PTPRM: variants seen among roughly 807,000 people sequenced by gnomAD.
PTPRM encodes protein tyrosine phosphatase receptor type M.
A neutral mutation model predicts 186.7 loss-of-function variants in PTPRM; 47 were observed. The observed-to-expected ratio is 0.25, with a 90% CI of 0.20 to 0.32. The LOEUF is 0.32. PTPRM is among the 10% of genes least tolerant of loss of function. PTPRM has a pLI of 1.00. For synonymous variants in PTPRM, 668 were observed against 674.9 expected (o/e 0.99, Z 0.16); for missense variants, 1,494 against 1,865.0 (o/e 0.80, Z 3.66).
At chr18:8,098,323 A>G (rs2091111773) in intron 11 of PTPRM, among the ~76,000 whole-genome samples, 1 of 152,236 alleles carries the variant, frequency 6.6e-6, no homozygotes, top group African/African-American at 2.4e-5. Context: ...AATGATTTTA[A>G]TAATTTAGTT....
At chr18:7,581,918 C>T (rs1175396376) in intron 1 of PTPRM, among the ~76,000 whole-genome samples, 2 of 152,096 alleles carry the variant, frequency 1.3e-5, no homozygotes, top group Non-Finnish European at 2.9e-5. Flanking sequence ...CCTCAGCCTC[C>T]CAAAGTGTTG....
At chr18:8,075,961 C>T (rs1164407351) in intron 8 of PTPRM, among the ~76,000 whole-genome samples, 1 of 152,024 alleles carries the variant, frequency 6.6e-6, no homozygotes, top group East Asian at 1.9e-4. Context: ...ATTATTATTA[C>T]AAAAATCACT....
chr18:8,296,323 G>C, intron 19 of PTPRM, 45 bp from the exon 20 acceptor site: 1 of 1,297,608 alleles, frequency 7.7e-7, no homozygotes, highest in East Asian at 2.3e-5. Context: ...AGATCCCTCT[G>C]TTTACTGCGC....
intron 1 of PTPRM, among the ~76,000 whole-genome samples, chr18:7,610,088 T>C (rs934862868): frequency 2.0e-5 from 3 of 152,158 alleles, no homozygotes. Context: ...ACAACACCTA[T>C]TGGGCATTTT....
intron 13 of PTPRM, among the ~76,000 whole-genome samples, chr18:8,137,256 G>A (rs545373995): frequency 9.2e-5 from 14 of 152,034 alleles, no homozygotes; most frequent in African/African-American, 3.1e-4. Flanking sequence ...TGTGGTATTT[G>A]GTTTGCCACC....
chr18:7,772,369 T>TTCTTTCTTTC (rs2042337977), intron 1 of PTPRM, among the ~76,000 whole-genome samples: 2 of 100,282 alleles, frequency 2.0e-5, no homozygotes, highest in African/African-American at 7.0e-5. Flanking sequence ...CTTTCTTTCT[T>TTCTTTCTTTC]TCTTTCTTTC....
intron 1 of PTPRM, among the ~76,000 whole-genome samples, chr18:7,720,256 A>G (rs574961750): frequency 1.3e-5 from 2 of 152,302 alleles, no homozygotes; most frequent in African/African-American, 2.4e-5. Context: ...ACGTACAAAA[A>G]TAGGAAGACC....
chr18:7,833,083 G>C (rs535880905), intron 2 of PTPRM, among the ~76,000 whole-genome samples: 30 of 152,084 alleles, frequency 2.0e-4, no homozygotes, highest in Middle Eastern at 6.8e-3. Flanking sequence ...TTTTGCTTAG[G>C]ATAGCTTTGA....
chr18:7,975,238 T>G (rs536313098), intron 7 of PTPRM, among the ~76,000 whole-genome samples: 1 of 152,348 alleles, frequency 6.6e-6, no homozygotes, highest in African/African-American at 2.4e-5. Context: ...CTACTCTTAC[T>G]GTACAATCCA....
intron 2 of PTPRM, among the ~76,000 whole-genome samples, chr18:7,784,299 A>T (rs1195104411): frequency 6.6e-6 from 1 of 152,084 alleles, no homozygotes; most frequent in Non-Finnish European, 1.5e-5. Flanking sequence ...TTCTTGTCAT[A>T]CCTAACTAAA....
At chr18:8,198,402 G>T (rs1409568081) in intron 14 of PTPRM, among the ~76,000 whole-genome samples, 1 of 152,100 alleles carries the variant, frequency 6.6e-6, no homozygotes, top group Non-Finnish European at 1.5e-5. Context: ...GCCTACCTTG[G>T]CCTGCCAAAG....
chr18:8,079,533 A>G (rs1449601311), intron 9 of PTPRM, among the ~76,000 whole-genome samples: 4 of 152,136 alleles, frequency 2.6e-5, no homozygotes, highest in Non-Finnish European at 4.4e-5. Flanking sequence ...CTGTAGTGCA[A>G]ATTCATTAAT....
intron 12 of PTPRM, 83 bp downstream of exon 12, chr18:8,113,842 G>A (rs1404793691): frequency 1.5e-6 from 2 of 1,302,444 alleles, no homozygotes; most frequent in African/African-American, 3.0e-5. Flanking sequence ...TAGTAAAATG[G>A]AAGTCATGCT....
At chr18:7,866,158 T>G (rs2086029369) in intron 2 of PTPRM, among the ~76,000 whole-genome samples, 1 of 151,826 alleles carries the variant, frequency 6.6e-6, no homozygotes, top group Non-Finnish European at 1.5e-5. Flanking sequence ...TTGATTTTTT[T>G]GAAGGTTTTT....
At chr18:8,235,453 CTTCTTTT>C (rs2094333867) in intron 14 of PTPRM, among the ~76,000 whole-genome samples, 1 of 95,840 alleles carries the variant, frequency 1.0e-5, no homozygotes, top group African/African-American at 4.4e-5. Flanking sequence ...TAATCTGTGT[CTTCTTTT>C]TTTTTTTTTT....
chr18:7,679,643 C>T (rs557779271), intron 1 of PTPRM, among the ~76,000 whole-genome samples: 12 of 151,922 alleles, frequency 7.9e-5, no homozygotes, highest in South Asian at 2.1e-4. Context: ...CCAGCCTCGG[C>T]GACAGAGTGA....
At chr18:8,255,951 T>C (rs1376101968) in intron 19 of PTPRM, among the ~76,000 whole-genome samples, 1 of 152,236 alleles carries the variant, frequency 6.6e-6, no homozygotes, top group Non-Finnish European at 1.5e-5. Context: ...GCCAGGCTTC[T>C]GGGAACTGGT....
chr18:8,275,579 G>A (rs1000943705), intron 19 of PTPRM, among the ~76,000 whole-genome samples: 2 of 152,128 alleles, frequency 1.3e-5, no homozygotes, highest in Admixed American at 1.3e-4. Context: ...CCTTTTCCTG[G>A]CAATTTTCTT....
chr18:8,376,275 G>A (rs2148486303), intron 25 of PTPRM, 75 bp downstream of exon 25: 1 of 1,567,308 alleles, frequency 6.4e-7, no homozygotes, highest in Admixed American at 1.8e-5. Flanking sequence ...GGGATGATGA[G>A]TATGTTTTAG....
Sources: allele counts gnomAD v4.1 joint callset (sites outside exome capture counted in the v4.1 genomes callset), GRCh38; gene constraint gnomAD v4.1.1; transcripts MANE v1.5; gene names NCBI Gene and HGNC (gene_info 2026-07-23, HGNC 2026-07-21).